Variants in HSF2BP observed in about 807,000 individuals in gnomAD.
HSF2BP encodes heat shock factor 2-binding protein.
A neutral mutation model predicts 35.0 loss-of-function variants in HSF2BP; 35 were observed. That is an observed-to-expected ratio of 1.00 (90% CI 0.76 to 1.32). The LOEUF is 1.32. Ranked by LOEUF, HSF2BP falls within the 40% of genes most tolerant of loss-of-function variation. The pLI is 0.00. For missense variants in HSF2BP, 326 were observed against 321.7 expected, an observed-to-expected ratio of 1.01 and a Z score of -0.10; for synonymous variants, 114 against 117.4, an observed-to-expected ratio of 0.97 and a Z score of 0.18.
chr21:43,601,166 G>A (rs562562045), intron 7 of HSF2BP, among the ~76,000 whole-genome samples: 6 of 152,218 alleles, frequency 3.9e-5, no homozygotes, highest in South Asian at 4.2e-4. Context: ...ACATGCAGAC[G>A]GGGACTCTGT....
intron 7 of HSF2BP, among the ~76,000 whole-genome samples, chr21:43,612,699 C>T (rs1239594426): frequency 6.7e-6 from 1 of 149,738 alleles, no homozygotes; most frequent in South Asian, 2.1e-4. Context: ...GATGGTGGCA[C>T]ATGCCTGTAG....
intron 8 of HSF2BP, among the ~76,000 whole-genome samples, chr21:43,581,710 T>C (rs1042877227): frequency 6.6e-6 from 1 of 152,184 alleles, no homozygotes; most frequent in Non-Finnish European, 1.5e-5. Flanking sequence ...GGAGAAAGAC[T>C]ATGGCCCAGC....
At chr21:43,582,490 G>C (rs1314382264) in intron 8 of HSF2BP, among the ~76,000 whole-genome samples, 1 of 140,510 alleles carries the variant, frequency 7.1e-6, no homozygotes, top group South Asian at 2.5e-4. Flanking sequence ...GGCCTGCTGA[G>C]GGAGATGAAG....
chr21:43,605,380 C>G (rs926805303), intron 7 of HSF2BP, among the ~76,000 whole-genome samples: 1 of 150,098 alleles, frequency 6.7e-6, no homozygotes, highest in Middle Eastern at 3.2e-3. Context: ...CCCCGACACA[C>G]ACACCACACA....
At chr21:43,640,185 T>C (rs2082617223) in intron 4 of HSF2BP, among the ~76,000 whole-genome samples, 2 of 152,116 alleles carry the variant, frequency 1.3e-5, no homozygotes, top group Non-Finnish European at 1.5e-5. Flanking sequence ...CCTGTGGACC[T>C]AGCTACTTGG....
intron 3 of HSF2BP, among the ~76,000 whole-genome samples, chr21:43,652,400 C>CAAAAA (rs35714746): frequency 1.0e-4 from 9 of 89,322 alleles, no homozygotes; most frequent in African/African-American, 3.0e-4. Flanking sequence ...CAGACACCAT[C>CAAAAA]AAAAAAAAAA....
At chr21:43,638,444 TAAAC>T (rs1295635678) in intron 4 of HSF2BP, among the ~76,000 whole-genome samples, 2 of 151,916 alleles carry the variant, frequency 1.3e-5, no homozygotes, top group Admixed American at 6.6e-5. Flanking sequence ...GGGGACAAGA[TAAAC>T]AAACAAAAAG....
intron 7 of HSF2BP, among the ~76,000 whole-genome samples, chr21:43,600,463 G>C (rs1485304755): frequency 6.6e-6 from 1 of 152,134 alleles, no homozygotes; most frequent in Non-Finnish European, 1.5e-5. Context: ...TCTTACAAAA[G>C]ACTGCATGTA....
chr21:43,625,436 T>C (rs1352567362), intron 6 of HSF2BP, among the ~76,000 whole-genome samples: 2 of 152,062 alleles, frequency 1.3e-5, no homozygotes, highest in Non-Finnish European at 2.9e-5. Flanking sequence ...AGTGGAGAAC[T>C]GGACTACAGA....
the HSF2BP span, among the ~76,000 whole-genome samples, chr21:43,467,552 C>T: frequency 6.8e-6 from 1 of 146,804 alleles, no homozygotes; most frequent in Non-Finnish European, 1.5e-5. Context: ...TATTTCAGGG[C>T]TGAAGCCCAG....
chr21:43,577,484 T>C (rs1237960072), intron 8 of HSF2BP, among the ~76,000 whole-genome samples: 1 of 152,212 alleles, frequency 6.6e-6, no homozygotes, highest in Non-Finnish European at 1.5e-5. Context: ...AATGTCTCAA[T>C]TATGTTATGG....
In HSF2BP at chr21:43,588,550, T is replaced by C. The variant is rs150045287; in HGVS notation, c.796+3675A>G. The stretch of plus-strand genomic sequence containing the variant: ...CCCATAACTATATAACCTTGGCACC[T>C]TACTCACTTCCATGCCTCAGTTTCT... On this transcript the variant is annotated intron_variant, in intron 8 of 8. Transcript: ENST00000291560. 2.5e-3 allele frequency among the ~76,000 whole-genome samples: 384 copies of C among 152,242 alleles called. 2 individuals are homozygous for C. The highest frequency in any genetic ancestry group is 8.2e-3 in the African/African-American group (341 of 41,530).
chr21:43,656,705 G>T lies in HSF2BP; in HGVS notation c.69C>A (p.Val23=), dbSNP rs749953570. The part of the protein sequence containing the change: ...HMGTKEEFVK[V]RKKDLERLTT... ...TCAGCCGTTCCAGATCCTTCTTTCTGACTTTAACAAATTCCTCTTTAGTTC... is the reference window on the plus strand; with the variant it reads ...TCAGCCGTTCCAGATCCTTCTTTCTTACTTTAACAAATTCCTCTTTAGTTC... The change falls in exon 3 of 9, where the codon GTC becomes GTA. Residue 23 remains valine, a synonymous_variant. Coordinates refer to ENST00000291560, the MANE Select transcript of HSF2BP (RefSeq NM_007031.2). 2.5e-6 allele frequency: 4 copies of T among 1,613,666 alleles called. No homozygotes were observed. The highest frequency in any genetic ancestry group is 3.4e-6 in the Non-Finnish European group (4 of 1,179,880).
chr21:43,630,441 T>G lies in HSF2BP; in HGVS notation c.455A>C (p.Lys152Thr). Residue 152 changes from lysine to threonine, a missense_variant, in exon 6 of 9, where the codon AAG (lysine) becomes ACG (threonine). Transcript: ENST00000291560. ...TGTTTGACCAGTGATGCTGAAAAAC[T>G]TCAAAGCTTTATCCTGAAAGTTTGA... ...KAILGGDKAL[K>T]FFSITGQTME... 1 of 1,611,764 alleles carries G rather than the reference T, an allele frequency of 6.2e-7. No individual in the cohort carries two copies. The highest frequency in any genetic ancestry group is 8.5e-7 in the Non-Finnish European group (1 of 1,179,328).
chr21:43,593,982 A>G (rs988040831), intron 7 of HSF2BP, among the ~76,000 whole-genome samples: 12 of 152,214 alleles, frequency 7.9e-5, no homozygotes, highest in African/African-American at 2.9e-4. Flanking sequence ...ATACAAATCT[A>G]CACACATCAC....
chr21:43,626,469 C>T (rs1484364934), intron 6 of HSF2BP, among the ~76,000 whole-genome samples: 4 of 152,182 alleles, frequency 2.6e-5, no homozygotes, highest in African/African-American at 9.7e-5. Context: ...GCAAATTCTG[C>T]ATTTTTCTTT....
Position 43,596,387 on chromosome 21 carries a change from T to TACAC in HSF2BP, c.693-4063_693-4060dup, listed in dbSNP as rs112009393. ...AATAAAACTTGTGATGCTAGTGAAA[T>TACAC]ACACACACACACACACACACACACA... is the stretch of plus-strand genomic sequence containing the variant. On this transcript the variant is annotated intron_variant, in intron 7 of 8. Transcript: ENST00000291560. 4.2e-3 allele frequency among the ~76,000 whole-genome samples: 616 copies of TACAC among 147,436 alleles called. 2 individuals carry two copies. Among genetic ancestry groups the TACAC allele is most frequent in the African/African-American group, 0.014 (569 of 40,416 alleles).
intron 8 of HSF2BP, among the ~76,000 whole-genome samples, chr21:43,578,198 C>A (rs1232626363): frequency 6.6e-6 from 1 of 152,156 alleles, no homozygotes; most frequent in Non-Finnish European, 1.5e-5. Context: ...CACCGGCACA[C>A]AGTAAGATGG....
chr21:43,581,446 G>C (rs2081730924), intron 8 of HSF2BP, among the ~76,000 whole-genome samples: 1 of 152,054 alleles, frequency 6.6e-6, no homozygotes, highest in Non-Finnish European at 1.5e-5. Context: ...AAAGATGCTG[G>C]GATAACTCAA....
Sources: gnomAD v4.1 joint callset for allele counts (sites outside exome capture counted in the v4.1 genomes callset) on GRCh38, gnomAD v4.1.1 for gene constraint, MANE v1.5 for transcripts, NCBI Gene and HGNC (gene_info 2026-07-23, HGNC 2026-07-21) for gene names.